AGMO: variants seen among roughly 807,000 people sequenced by gnomAD.
AGMO encodes alkylglycerol monooxygenase, also known as glyceryl-ether monooxygenase.
AGMO carries 75 observed loss-of-function variants against 60.2 expected under a neutral mutation model. The observed-to-expected ratio is 1.25, with a 90% confidence interval of 1.03 to 1.51. The LOEUF is 1.51. Among genes scored for constraint, AGMO ranks in the 40% most tolerant of loss-of-function variants. AGMO has a pLI of 0.00. For synonymous variants in AGMO, 261 were observed against 177.1 expected, an observed-to-expected ratio of 1.47 and a Z score of -3.76; for missense variants, 763 against 525.5, an observed-to-expected ratio of 1.45 and a Z score of -4.42.
chr7:15,267,799 A>AG (rs1181245024), intron 12 of AGMO, among the ~76,000 whole-genome samples: 1 of 151,974 alleles, frequency 6.6e-6, no homozygotes, highest in Non-Finnish European at 1.5e-5. Context: ...TTAACACTTT[A>AG]GGTCTTGTTT....
chr7:15,315,564 C>T (rs1036241448), intron 12 of AGMO, among the ~76,000 whole-genome samples: 5 of 151,966 alleles, frequency 3.3e-5, no homozygotes, highest in Non-Finnish European at 7.4e-5. Context: ...TCTCGATCTC[C>T]TGACCTTGTG....
intron 10 of AGMO, among the ~76,000 whole-genome samples, chr7:15,368,816 A>G (rs1402540092): frequency 6.6e-6 from 1 of 152,042 alleles, no homozygotes; most frequent in East Asian, 1.9e-4. Context: ...GAAATCTATG[A>G]TCCCTGGACA....
intron 12 of AGMO, among the ~76,000 whole-genome samples, chr7:15,335,302 ACATT>A (rs779512667): frequency 1.3e-5 from 2 of 152,148 alleles, no homozygotes; most frequent in South Asian, 2.1e-4. Context: ...ATTCAAAAAG[ACATT>A]CATTAATACT....
the AGMO span, among the ~76,000 whole-genome samples, chr7:15,171,296 T>C: frequency 2.0e-5 from 3 of 152,196 alleles, no homozygotes; most frequent in Non-Finnish European, 4.4e-5. Flanking sequence ...TTACGGTTTA[T>C]GGCAGGAAGA....
At chr7:15,273,364 G>A (rs1783675637) in intron 12 of AGMO, among the ~76,000 whole-genome samples, 1 of 152,142 alleles carries the variant, frequency 6.6e-6, no homozygotes, top group African/African-American at 2.4e-5. Context: ...AGTTTTCCCA[G>A]CACCATTTAT....
intron 12 of AGMO, among the ~76,000 whole-genome samples, chr7:15,238,707 AGAGAAATG>A (rs1415064500): frequency 6.6e-6 from 1 of 151,978 alleles, no homozygotes; most frequent in Non-Finnish European, 1.5e-5. Context: ...GCCAATGTTC[AGAGAAATG>A]GAGAAAGTAC....
chr7:15,202,692 C>T (rs76678339), intron 12 of AGMO, among the ~76,000 whole-genome samples: 1,887 of 152,036 alleles, frequency 0.012, 33 homozygotes, highest in African/African-American at 0.039. Flanking sequence ...AAGGAGAAGT[C>T]AAGAATAATA....
intron 12 of AGMO, among the ~76,000 whole-genome samples, chr7:15,248,214 A>ATATACATATATATATATATATATATG (rs1782819689): frequency 1.4e-5 from 1 of 71,160 alleles, no homozygotes; most frequent in Non-Finnish European, 3.0e-5. Flanking sequence ...ATATATATAT[A>ATATACATATATATATATATATATATG]TATATATATA....
chr7:15,434,345 C>G (rs965423936), intron 3 of AGMO, among the ~76,000 whole-genome samples: 1 of 152,052 alleles, frequency 6.6e-6, no homozygotes, highest in African/African-American at 2.4e-5. Context: ...AATCTCCTAC[C>G]TTTGAGTGTG....
intron 3 of AGMO, among the ~76,000 whole-genome samples, chr7:15,456,303 T>A (rs79459088): frequency 0.028 from 4,301 of 152,216 alleles, 199 homozygotes; most frequent in African/African-American, 0.099. Flanking sequence ...ATTTTTATGT[T>A]CCTTGCATTG....
intron 3 of AGMO, among the ~76,000 whole-genome samples, chr7:15,527,988 T>C (rs974265236): frequency 2.0e-5 from 3 of 152,178 alleles, no homozygotes; most frequent in South Asian, 2.1e-4. Flanking sequence ...TGGTCTCCCA[T>C]GAGCTCTGAT....
chr7:15,314,443 TTGA>T (rs1272511958), intron 12 of AGMO, among the ~76,000 whole-genome samples: 11 of 152,268 alleles, frequency 7.2e-5, no homozygotes, highest in Middle Eastern at 3.4e-3. Context: ...TTTATAAATG[TTGA>T]TTTTATATAC....
At chr7:15,432,219 A>C (rs890485935) in intron 3 of AGMO, among the ~76,000 whole-genome samples, 1 of 151,174 alleles carries the variant, frequency 6.6e-6, no homozygotes, top group Non-Finnish European at 1.5e-5. Context: ...TATCAGGTTA[A>C]TTTTCTTTGC....
At chr7:15,470,432 A>C (rs982836152) in intron 3 of AGMO, among the ~76,000 whole-genome samples, 1 of 151,850 alleles carries the variant, frequency 6.6e-6, no homozygotes, top group Non-Finnish European at 1.5e-5. Flanking sequence ...GGGCTTATAC[A>C]TTTTTAAGTA....
downstream of AGMO, among the ~76,000 whole-genome samples, chr7:15,195,771 C>G (rs906317136): frequency 6.6e-6 from 1 of 152,134 alleles, no homozygotes; most frequent in African/African-American, 2.4e-5. Flanking sequence ...AAAGGAAAAC[C>G]TTACCGAGGA....
chr7:15,348,877 T>C (rs1583438003), intron 12 of AGMO, among the ~76,000 whole-genome samples: 1 of 152,116 alleles, frequency 6.6e-6, no homozygotes, highest in South Asian at 2.1e-4. Context: ...AAAAAAAAAT[T>C]GCACCGTGAT....
intron 12 of AGMO, among the ~76,000 whole-genome samples, chr7:15,320,465 G>C (rs1312723518): frequency 6.6e-6 from 1 of 151,834 alleles, no homozygotes; most frequent in Non-Finnish European, 1.5e-5. Context: ...ACTCTAAATT[G>C]ATTATGATTA....
intron 12 of AGMO, among the ~76,000 whole-genome samples, chr7:15,359,181 C>T (rs968108050): frequency 1.3e-5 from 2 of 150,712 alleles, no homozygotes; most frequent in South Asian, 2.1e-4. Flanking sequence ...CCCAGCTACT[C>T]GGGAGGCTGA....
At chr7:15,127,300 A>C in the AGMO span, among the ~76,000 whole-genome samples, 2 of 152,276 alleles carry the variant, frequency 1.3e-5, no homozygotes, top group Non-Finnish European at 2.9e-5. Context: ...AAACACATAT[A>C]AATAAATGAT....
Sources: allele counts gnomAD v4.1 joint callset (sites outside exome capture counted in the v4.1 genomes callset), GRCh38; gene constraint gnomAD v4.1.1; transcripts MANE v1.5; gene names NCBI Gene and HGNC (gene_info 2026-07-23, HGNC 2026-07-21).